Variants in DCP2 observed in about 807,000 individuals in gnomAD.
DCP2 encodes the protein decapping mRNA 2.
A neutral mutation model predicts 56.1 loss-of-function variants in DCP2; 30 were observed. That is an observed-to-expected ratio of 0.53 (90% CI 0.40 to 0.73). The LOEUF is 0.73. DCP2 is among the 30% of genes least tolerant of loss of function. DCP2 has a pLI of 0.00. For synonymous variants in DCP2, 197 were observed against 163.3 expected (o/e 1.21, Z -1.57); for missense variants, 533 against 502.7 (o/e 1.06, Z -0.58).
Position 113,004,255 on chromosome 5 carries a change from C to A in DCP2, c.942+178C>A, listed in dbSNP as rs192447661. Among the ~76,000 whole-genome samples the A allele has an allele frequency of 6.6e-6, 1 of 152,260 alleles. No individual in the cohort carries two copies. The highest frequency in any genetic ancestry group is 2.1e-4 in the South Asian group (1 of 4,826). On this transcript the variant is annotated intron_variant, in intron 8 of 10. Coordinates refer to ENST00000389063, the MANE Select transcript of DCP2 (RefSeq NM_152624.6). ...TGAGGCTTCTTAATGTTTACAGTTC[C>A]GGTGTAAATCCAGTTAATAATAAGA...
chr5:113,000,280 C>G lies in DCP2; in HGVS notation c.433-804C>G, dbSNP rs376571369. 4.0e-5 allele frequency among the ~76,000 whole-genome samples: 6 copies of G among 149,698 alleles called. No individual in the cohort carries two copies. In the South Asian group the frequency reaches 1.3e-3, roughly 32 times the overall value. Reference sequence around the variant, plus strand: ...GTCCTGTTTTTTTGAAGTGCAATTACTGGTCTCGAACACCTGGGCTCAAGT... The same window carrying G: ...GTCCTGTTTTTTTGAAGTGCAATTAGTGGTCTCGAACACCTGGGCTCAAGT... On this transcript the variant is annotated intron_variant, in intron 4 of 10. Transcript: ENST00000389063.
rs370977840 is a variant in DCP2, at chr5:113,013,390, C to A, written c.1169C>A (p.Ala390Glu). 27 of 1,614,034 alleles carry A rather than the reference C, an allele frequency of 1.7e-5. No individual in the cohort carries two copies. The highest frequency in any genetic ancestry group is 2.2e-5 in the Non-Finnish European group (26 of 1,180,008). ...LLEHAEGQPV[A>E]CNGHCKFPFS... ...GAACATGCTGAGGGACAGCCCGTGG[C>A]ATGTAATGGACATTGCAAGTTCCCC... The change falls in exon 11 of 11, where the codon GCA becomes GAA. Residue 390 changes from alanine to glutamate, a missense_variant. Physicochemically the swap from Ala to Glu is moderately radical, Grantham distance 107. Transcript: ENST00000389063.
In DCP2 at chr5:113,001,176, C is replaced by T. The variant is rs1561698277; in HGVS notation, c.525C>T (p.Tyr175=). ...LRINDQLARL[Y]IIPGIPKDTK... ...TCAATGACCAGCTTGCTCGTTTGTA[C>T]ATCATTCCAGGAATTCCAAAAGACA... The change falls in exon 5 of 11, where the codon TAC becomes TAT. Residue 175 remains tyrosine (Y), a synonymous_variant. Transcript: ENST00000389063. 1.9e-6 allele frequency: 3 copies of T among 1,613,874 alleles called. No individual in the cohort carries two copies. The highest frequency in any genetic ancestry group is 2.5e-6 in the Non-Finnish European group (3 of 1,179,934).
intron 8 of DCP2, among the ~76,000 whole-genome samples, chr5:113,004,573 A>G (rs550220158): frequency 2.6e-4 from 40 of 152,366 alleles, no homozygotes; most frequent in African/African-American, 9.4e-4. Flanking sequence ...TTTAACAAAC[A>G]GTGCTGCTGT....
chr5:112,978,838 A>G (rs986564471), intron 1 of DCP2, among the ~76,000 whole-genome samples: 1 of 152,192 alleles, frequency 6.6e-6, no homozygotes, highest in Non-Finnish European at 1.5e-5. Flanking sequence ...AAAATTGAAG[A>G]TAAGTATTTA....
At chr5:113,008,594 T>C (rs890685814) in intron 9 of DCP2, among the ~76,000 whole-genome samples, 14 of 152,226 alleles carry the variant, frequency 9.2e-5, no homozygotes, top group African/African-American at 3.1e-4. Context: ...GGTTTTCTTA[T>C]TGTAGCTTCA....
At chr5:112,982,431 C>T (rs1561683704) in intron 1 of DCP2, among the ~76,000 whole-genome samples, 1 of 152,158 alleles carries the variant, frequency 6.6e-6, no homozygotes, top group Admixed American at 6.5e-5. Context: ...ATGTTTCATC[C>T]TTTCTTGGTT....
In DCP2 at chr5:113,004,028, A is replaced by G; in HGVS notation, c.893A>G (p.Gln298Arg). 6.2e-7 allele frequency: 1 copy of G among 1,614,168 alleles called. No homozygotes were observed. Among genetic ancestry groups the G allele is most frequent in the Non-Finnish European group, 8.5e-7 (1 of 1,180,004 alleles). Residue 298 changes from glutamine (Q) to arginine (R), a missense_variant, in exon 8 of 11, where the codon CAA becomes CGA. Around this residue, in one of 3 missense-constraint regions of DCP2, gnomAD observed 392 missense variants for 346.6 expected, o/e 1.13. Transcript: ENST00000389063. ...QWVKHRQPLQ[Q>R]KPYNNHSEMS... ...GTAAAGCACAGGCAACCACTGCAGC[A>G]AAAGCCATATAATAATCATTCTGAA...
At chr5:113,007,273 C>A (rs183370326) in intron 8 of DCP2, among the ~76,000 whole-genome samples, 4 of 152,240 alleles carry the variant, frequency 2.6e-5, no homozygotes, top group Non-Finnish European at 5.9e-5. Flanking sequence ...GCTTTAAGAA[C>A]TGTAGCTAAT....
Position 113,020,141 on chromosome 5 carries a change from G to C in DCP2, c.*6657G>C, listed in dbSNP as rs986016176. On this transcript the variant is annotated 3_prime_UTR_variant, in exon 11 of 11. Transcript: ENST00000389063. ...TGAGTTATGTTAAGCAAATTATTTT[G>C]AGACCTTTTGCTGGTAGACAAAAAC... 5 of 152,188 alleles carry C rather than the reference G, an allele frequency of 3.3e-5. No homozygotes were observed. Among genetic ancestry groups the C allele is most frequent in the African/African-American group, 1.2e-4 (5 of 41,446 alleles). The allele number at this position is 152,188 out of a possible 1,614,324, so 9.4% of individuals were successfully genotyped here.
At position 113,017,098 on chromosome 5, in the gene DCP2, T is replaced by C. The variant is rs1224496248; in HGVS notation, c.*3614T>C. On this transcript the variant is annotated 3_prime_UTR_variant, in exon 11 of 11. Coordinates refer to ENST00000389063, the MANE Select transcript of DCP2 (RefSeq NM_152624.6). ...ATCTTTATTTTTGTACCAGTGGACC[T>C]TCCTGCTCCCTGAGACTGTTTTGAT... The C allele has an allele frequency of 6.6e-6, 1 of 152,160 alleles. No homozygotes were observed. The highest frequency in any genetic ancestry group is 1.5e-5 in the Non-Finnish European group (1 of 68,028). The allele number at this position is 152,160 out of a possible 1,614,324, so 9.4% of individuals were successfully genotyped here. A position where few individuals can be genotyped will look rare whatever the true frequency, so the allele number is the denominator to read the frequency against.
In DCP2 at chr5:113,016,966, C is replaced by G. The variant is rs569739088; in HGVS notation, c.*3482C>G. ...AAGTGATTCTCCTGCCTCAGCCTCC[C>G]AAGTAGCTGGGATTACAGGCATGCG... On this transcript the variant is annotated 3_prime_UTR_variant, in exon 11 of 11. Transcript: ENST00000389063. 19 of 152,234 alleles carry G rather than the reference C, an allele frequency of 1.2e-4. No individual in the cohort carries two copies. The highest frequency in any genetic ancestry group is 2.0e-4 in the Admixed American group (3 of 15,286). 9.4% of individuals were successfully genotyped at this position (152,234 alleles called of 1,614,324 possible).
Position 113,020,021 on chromosome 5 carries a change from C to T in DCP2, c.*6537C>T, listed in dbSNP as rs961888643. ...AAAGAAGACTTGATGTGGCTTTTTA[C>T]ATTATGCTTTAAAGATGTTAATGGA... On this transcript the variant is annotated 3_prime_UTR_variant, in exon 11 of 11. Coordinates refer to ENST00000389063, the MANE Select transcript of DCP2 (RefSeq NM_152624.6). 27 of 152,154 alleles carry T rather than the reference C, an allele frequency of 1.8e-4. No individual in the cohort carries two copies. Among genetic ancestry groups the T allele is most frequent in the African/African-American group, 6.5e-4 (27 of 41,438 alleles). 9.4% of individuals were successfully genotyped at this position (152,154 alleles called of 1,614,324 possible).
At chr5:112,984,703 A>AAAAATATATATATATATATATAT in intron 1 of DCP2, 14 of 64,842 alleles carry the variant, frequency 2.2e-4, no homozygotes, top group South Asian at 5.2e-4. Context: ...AAAAAAAAAA[A>AAAAATATATATATATATATATAT]ATATATATAT....
intron 2 of DCP2, among the ~76,000 whole-genome samples, chr5:112,989,331 A>G (rs1364049461): frequency 6.6e-6 from 1 of 152,154 alleles, no homozygotes. Context: ...CCTAATTCAA[A>G]GGGTAAGTTT....
chr5:112,997,498 A>G (rs560682256), intron 4 of DCP2, among the ~76,000 whole-genome samples: 112 of 152,286 alleles, frequency 7.4e-4, no homozygotes, highest in Non-Finnish European at 3.4e-4. Context: ...CAAAGCAACT[A>G]TTGGTCAGTT....
chr5:113,006,099 G>A (rs1749419994), intron 8 of DCP2, among the ~76,000 whole-genome samples: 1 of 147,706 alleles, frequency 6.8e-6, no homozygotes, highest in South Asian at 2.1e-4. Context: ...CTGGGCAACA[G>A]GAGTGGGACC....
At chr5:112,989,988 G>T (rs564979922) in intron 2 of DCP2, among the ~76,000 whole-genome samples, 2 of 152,128 alleles carry the variant, frequency 1.3e-5, no homozygotes, top group Non-Finnish European at 2.9e-5. Context: ...TCTAGTATGA[G>T]CAGTTGAGGA....
chr5:113,000,197 A>G (rs1240882085), intron 4 of DCP2, among the ~76,000 whole-genome samples: 2 of 152,042 alleles, frequency 1.3e-5, no homozygotes, highest in Admixed American at 6.6e-5. Flanking sequence ...GGCTCAAGTG[A>G]TCCTCCCTCT....
Sources: allele counts gnomAD v4.1 joint callset (sites outside exome capture counted in the v4.1 genomes callset), GRCh38; gene constraint gnomAD v4.1.1; regional missense constraint gnomAD v4.1.1; transcripts MANE v1.5; gene names NCBI Gene and HGNC (gene_info 2026-07-23, HGNC 2026-07-21).